The following RBFOX1 variants were observed in gnomAD, a reference collection of about 807,000 sequenced individuals.
RBFOX1 encodes RNA binding fox-1 homolog 1.
In RBFOX1, 8 loss-of-function variants were observed where a neutral mutation model predicts 57.7. The ratio of observed to expected loss-of-function variants is 0.14; its 90% CI spans 0.08 to 0.25. The LOEUF is 0.25. Among genes scored for constraint, RBFOX1 ranks in the 10% least tolerant of loss-of-function variants. The probability of loss-of-function intolerance (pLI) is 1.00; values close to 1 mark genes in which losing one functional copy is unlikely to be tolerated. For synonymous variants in RBFOX1, 326 were observed against 222.4 expected (o/e 1.47, Z -4.15); for missense variants, 611 against 548.5 (o/e 1.11, Z -1.14).
chr16:5,455,011 CTTTCTTTCTT>C (rs1567536286), intron 1 of RBFOX1, among the ~76,000 whole-genome samples: 4 of 111,378 alleles, frequency 3.6e-5, no homozygotes, highest in Non-Finnish European at 3.8e-5. Flanking sequence ...TTCTTTCTTT[CTTTCTTTCTT>C]TCTCTCTCTC....
chr16:5,646,472 G>C (rs1015252587), intron 3 of RBFOX1, among the ~76,000 whole-genome samples: 9 of 152,156 alleles, frequency 5.9e-5, no homozygotes, highest in African/African-American at 2.2e-4. Context: ...TCATCTTGTG[G>C]GCTATCAGTG....
intron 1 of RBFOX1, among the ~76,000 whole-genome samples, chr16:6,275,332 G>A (rs2075687411): frequency 6.6e-6 from 1 of 151,690 alleles, no homozygotes; most frequent in Non-Finnish European, 1.5e-5. Context: ...GAAAAAGAAA[G>A]AAAAGAAAAG....
At chr16:6,613,416 T>A (rs113294397) in intron 2 of RBFOX1, among the ~76,000 whole-genome samples, 29 of 152,240 alleles carry the variant, frequency 1.9e-4, no homozygotes, top group African/African-American at 6.5e-4. Context: ...GATTTCTGTA[T>A]ACGGTGTGGT....
At chr16:5,856,605 A>ATATATATATATATATATATATATATAT (rs57978858) in intron 3 of RBFOX1, among the ~76,000 whole-genome samples, 7 of 74,028 alleles carry the variant, frequency 9.5e-5, no homozygotes, top group South Asian at 5.0e-4. Context: ...ATATATATAT[A>ATATATATATATATATATATATATATAT]ATCTTAGCCA....
chr16:7,000,230 T>C (rs1442012350), intron 3 of RBFOX1, among the ~76,000 whole-genome samples: 1 of 152,164 alleles, frequency 6.6e-6, no homozygotes, highest in Non-Finnish European at 1.5e-5. Context: ...TCTGTTAATA[T>C]AAGCAAGCAT....
chr16:6,736,677 T>C (rs1278525238), intron 3 of RBFOX1, among the ~76,000 whole-genome samples: 2 of 152,238 alleles, frequency 1.3e-5, no homozygotes, highest in African/African-American at 4.8e-5. Flanking sequence ...AGATACCCAG[T>C]AGTGGGATTG....
chr16:6,797,944 AGATGAT>A (rs987376655), intron 3 of RBFOX1, among the ~76,000 whole-genome samples: 1 of 151,960 alleles, frequency 6.6e-6, no homozygotes, highest in Admixed American at 6.6e-5. Flanking sequence ...TTTGAAATGG[AGATGAT>A]GATGATGGTG....
At chr16:6,972,722 C>A (rs1452555761) in intron 3 of RBFOX1, among the ~76,000 whole-genome samples, 1 of 151,922 alleles carries the variant, frequency 6.6e-6, no homozygotes, top group Non-Finnish European at 1.5e-5. Context: ...TGGTCTCATG[C>A]GAAAGTATAA....
intron 3 of RBFOX1, among the ~76,000 whole-genome samples, chr16:7,035,747 TTGTTGCAGA>T (rs1160588530): frequency 2.0e-5 from 3 of 152,192 alleles, no homozygotes; most frequent in Admixed American, 6.5e-5. Flanking sequence ...TGCCTGCTCA[TTGTTGCAGA>T]ACTTTTGGGA....
intron 4 of RBFOX1, among the ~76,000 whole-genome samples, chr16:7,497,725 C>G (rs1404192335): frequency 1.3e-5 from 2 of 152,200 alleles, no homozygotes; most frequent in African/African-American, 4.8e-5. Context: ...GTCACTGAGA[C>G]TTTTAAAAAG....
intron 2 of RBFOX1, among the ~76,000 whole-genome samples, chr16:6,653,084 T>C (rs1267084925): frequency 6.6e-6 from 1 of 152,166 alleles, no homozygotes; most frequent in Non-Finnish European, 1.5e-5. Flanking sequence ...CCTTGGGGCT[T>C]TGAACTTGCT....
intron 4 of RBFOX1, among the ~76,000 whole-genome samples, chr16:7,322,642 A>G (rs2096560793): frequency 6.6e-6 from 1 of 152,212 alleles, no homozygotes; most frequent in African/African-American, 2.4e-5. Context: ...GGATGAGGGC[A>G]CAATTCAGAG....
At chr16:6,719,693 A>G (rs1334673590) in intron 3 of RBFOX1, among the ~76,000 whole-genome samples, 1 of 151,090 alleles carries the variant, frequency 6.6e-6, no homozygotes, top group Non-Finnish European at 1.5e-5. Flanking sequence ...TGATCCACCC[A>G]CCTTGGCCTC....
chr16:7,482,322 A>T (rs2064173396), intron 4 of RBFOX1, among the ~76,000 whole-genome samples: 1 of 152,154 alleles, frequency 6.6e-6, no homozygotes. Context: ...GAGGCGTTAC[A>T]GTCCCACTTT....
At chr16:6,596,893 T>C (rs1600986047) in intron 2 of RBFOX1, among the ~76,000 whole-genome samples, 1 of 152,272 alleles carries the variant, frequency 6.6e-6, no homozygotes, top group East Asian at 1.9e-4. Flanking sequence ...GATGTAAATA[T>C]ACACACCCTT....
chr16:5,893,302 T>C (rs1258347528), intron 4 of RBFOX1, among the ~76,000 whole-genome samples: 1 of 152,210 alleles, frequency 6.6e-6, no homozygotes, highest in Non-Finnish European at 1.5e-5. Context: ...TAAGATCACA[T>C]GGTGAATGGG....
chr16:5,513,397 C>T (rs1288289810), intron 2 of RBFOX1, among the ~76,000 whole-genome samples: 1 of 152,160 alleles, frequency 6.6e-6, no homozygotes, highest in East Asian at 1.9e-4. Flanking sequence ...GTGCCAACTA[C>T]CGACATGCCT....
At chr16:5,985,799 A>T (rs961345020) in intron 4 of RBFOX1, among the ~76,000 whole-genome samples, 3 of 152,172 alleles carry the variant, frequency 2.0e-5, no homozygotes, top group African/African-American at 7.2e-5. Flanking sequence ...GGAGAAAATG[A>T]AACATCTGGC....
intron 4 of RBFOX1, among the ~76,000 whole-genome samples, chr16:7,446,940 G>A (rs1280545458): frequency 6.7e-6 from 1 of 149,162 alleles, no homozygotes; most frequent in African/African-American, 2.5e-5. Context: ...AGCCTCCCAA[G>A]TAGCTGGGAC....
Sources: allele counts gnomAD v4.1 joint callset (sites outside exome capture counted in the v4.1 genomes callset), GRCh38; gene constraint gnomAD v4.1.1; transcripts MANE v1.5; gene names NCBI Gene and HGNC (gene_info 2026-07-23, HGNC 2026-07-21).